Variants in LRP1B observed in about 807,000 individuals in gnomAD.
LRP1B encodes the protein low-density lipoprotein receptor-related protein 1B.
A neutral mutation model predicts 556.6 loss-of-function variants in LRP1B; 217 were observed. That is an observed-to-expected ratio of 0.39 (90% CI 0.35 to 0.44). The LOEUF is 0.44. Ranked by LOEUF, LRP1B falls within the 20% of genes least tolerant of loss-of-function variation. The pLI, the probability that LRP1B is intolerant of heterozygous loss-of-function variation, is 1.00. For missense variants in LRP1B, 5,053 were observed against 5,620.8 expected (o/e 0.90, Z 3.23); for synonymous variants, 2,047 against 1,865.8 (o/e 1.10, Z -2.50).
chr2:141,309,487 T>A (rs1686729152), intron 3 of LRP1B, among the ~76,000 whole-genome samples: 1 of 152,194 alleles, frequency 6.6e-6, no homozygotes, highest in African/African-American at 2.4e-5. Flanking sequence ...CTAGGGAAGA[T>A]ATTAAGCCAT....
chr2:140,369,674 A>C (rs545609994), intron 71 of LRP1B, among the ~76,000 whole-genome samples: 1 of 152,040 alleles, frequency 6.6e-6, no homozygotes, highest in Non-Finnish European at 1.5e-5. Context: ...AAAAAAAAAA[A>C]ACTATTTTTT....
chr2:141,583,321 G>A (rs1220468147), intron 2 of LRP1B, among the ~76,000 whole-genome samples: 1 of 152,146 alleles, frequency 6.6e-6, no homozygotes, highest in East Asian at 1.9e-4. Flanking sequence ...TCTAAGGAGA[G>A]AAAGAAGTCA....
intron 20 of LRP1B, among the ~76,000 whole-genome samples, chr2:140,926,056 C>T (rs79869273): frequency 0.054 from 4,626 of 85,950 alleles, 71 homozygotes; most frequent in African/African-American, 0.063. Flanking sequence ...TGGAGATTTT[C>T]TTTTTTTTTT....
chr2:140,392,312 C>A (rs1057238360), intron 66 of LRP1B, among the ~76,000 whole-genome samples: 4 of 152,018 alleles, frequency 2.6e-5, no homozygotes, highest in African/African-American at 9.7e-5. Context: ...TGAATTTCAA[C>A]CTGGCAATCT....
At chr2:141,143,736 C>T (rs1701713600) in intron 7 of LRP1B, among the ~76,000 whole-genome samples, 1 of 152,088 alleles carries the variant, frequency 6.6e-6, no homozygotes, top group African/African-American at 2.4e-5. Context: ...ATTCAACTCT[C>T]AACCTCTTGA....
intron 1 of LRP1B, among the ~76,000 whole-genome samples, chr2:141,846,458 G>A (rs914279273): frequency 1.3e-4 from 20 of 151,388 alleles, no homozygotes; most frequent in African/African-American, 4.6e-4. Context: ...TTTTGGAACA[G>A]GTTATCTTTA....
At chr2:141,113,208 T>A (rs890308394) in intron 7 of LRP1B, among the ~76,000 whole-genome samples, 1 of 152,148 alleles carries the variant, frequency 6.6e-6, no homozygotes, top group African/African-American at 2.4e-5. Context: ...AAGAAATTGC[T>A]GGCAAGAAAA....
At chr2:141,743,685 G>A (rs562393860) in intron 2 of LRP1B, among the ~76,000 whole-genome samples, 68 of 151,886 alleles carry the variant, frequency 4.5e-4, no homozygotes, top group African/African-American at 1.4e-3. Context: ...CACTAAAGCC[G>A]TAATAAAATG....
intron 3 of LRP1B, among the ~76,000 whole-genome samples, chr2:141,317,214 T>C (rs1687066712): frequency 6.6e-6 from 1 of 152,232 alleles, no homozygotes; most frequent in South Asian, 2.1e-4. Context: ...TGATTTTTAA[T>C]AGTGTTTCTG....
chr2:140,582,601 G>GC (rs767486981), intron 43 of LRP1B, among the ~76,000 whole-genome samples: 2 of 152,126 alleles, frequency 1.3e-5, no homozygotes, highest in African/African-American at 4.8e-5. Flanking sequence ...CTTCCGCTCT[G>GC]CTGCCATGCG....
chr2:141,212,436 G>T (rs1465816099), intron 6 of LRP1B, among the ~76,000 whole-genome samples: 2 of 148,828 alleles, frequency 1.3e-5, no homozygotes, highest in African/African-American at 2.5e-5. Flanking sequence ...CCACCACCAC[G>T]CCCGGATAAT....
chr2:140,676,476 T>G (rs16844473), intron 41 of LRP1B, among the ~76,000 whole-genome samples: 6,822 of 152,288 alleles, frequency 0.045, 303 homozygotes, highest in African/African-American at 0.1. Flanking sequence ...ATTGTTTATT[T>G]CCTTCCAACA....
At chr2:140,393,146 AT>A (rs5834743) in intron 66 of LRP1B, among the ~76,000 whole-genome samples, 42,878 of 146,028 alleles carry the variant, frequency 0.29, 7,009 homozygotes, top group Non-Finnish European at 0.39. Flanking sequence ...CCCATTCTAC[AT>A]TTTTTTTTTT....
chr2:140,287,825 C>G (rs1297458373), intron 84 of LRP1B, among the ~76,000 whole-genome samples: 1 of 151,548 alleles, frequency 6.6e-6, no homozygotes, highest in African/African-American at 2.4e-5. Flanking sequence ...TATGGAGGAT[C>G]TATATTGTGA....
intron 22 of LRP1B, among the ~76,000 whole-genome samples, chr2:140,903,937 CAT>C (rs536422710): frequency 2.3e-3 from 344 of 151,772 alleles, no homozygotes; most frequent in African/African-American, 7.8e-3. Context: ...TGTGATTACA[CAT>C]ATGATTACAT....
intron 3 of LRP1B, among the ~76,000 whole-genome samples, chr2:141,324,674 C>T (rs1252871674): frequency 6.6e-6 from 1 of 152,000 alleles, no homozygotes; most frequent in African/African-American, 2.4e-5. Flanking sequence ...ATTACTGATT[C>T]GAGGCAAGGA....
chr2:141,881,179 C>G (rs1698947446), intron 1 of LRP1B, among the ~76,000 whole-genome samples: 1 of 151,846 alleles, frequency 6.6e-6, no homozygotes, highest in South Asian at 2.1e-4. Flanking sequence ...TATAATTACC[C>G]TTGATGGTAT....
At chr2:141,164,035 G>T (rs1680146708) in intron 7 of LRP1B, among the ~76,000 whole-genome samples, 1 of 151,894 alleles carries the variant, frequency 6.6e-6, no homozygotes, top group Admixed American at 6.6e-5. Context: ...AACTTACATT[G>T]TATTAATAAA....
intron 66 of LRP1B, among the ~76,000 whole-genome samples, chr2:140,431,416 A>G (rs1337616988): frequency 6.6e-6 from 1 of 152,028 alleles, no homozygotes; most frequent in East Asian, 1.9e-4. Context: ...CTGTGCCCCA[A>G]AAAACTTGTC....
Sources: allele counts gnomAD v4.1 joint callset (sites outside exome capture counted in the v4.1 genomes callset), GRCh38; gene constraint gnomAD v4.1.1; transcripts MANE v1.5; gene names NCBI Gene and HGNC (gene_info 2026-07-23, HGNC 2026-07-21).